TLE4: variants seen among roughly 807,000 people sequenced by gnomAD.
TLE4 encodes the protein transducin-like enhancer protein 4.
Under a neutral mutation model 92.8 loss-of-function variants are expected in TLE4, and 8 were observed. That is an observed-to-expected ratio of 0.09 (90% CI 0.05 to 0.16). TLE4 has a LOEUF of 0.16. TLE4 is among the 10% of genes least tolerant of loss of function. The probability of loss-of-function intolerance (pLI) is 1.00; values close to 1 mark genes in which losing one functional copy is unlikely to be tolerated. For synonymous variants in TLE4, 371 were observed against 374.1 expected, an observed-to-expected ratio of 0.99 and a Z score of 0.10; for missense variants, 675 against 997.6, an observed-to-expected ratio of 0.68 and a Z score of 4.36.
At chr9:79,710,659 T>C (rs1714724609) in intron 14 of TLE4, among the ~76,000 whole-genome samples, 1 of 152,204 alleles carries the variant, frequency 6.6e-6, no homozygotes, top group African/African-American at 2.4e-5. Context: ...AAACTTTCTG[T>C]GGCTTAGTGT....
At chr9:79,701,838 T>C (rs1434829155) in intron 8 of TLE4, among the ~76,000 whole-genome samples, 1 of 152,174 alleles carries the variant, frequency 6.6e-6, no homozygotes, top group Non-Finnish European at 1.5e-5. Context: ...TCCCTTCTGC[T>C]CATGATGCTA....
chr9:79,690,710 C>T (rs1025648674), intron 8 of TLE4, among the ~76,000 whole-genome samples: 2 of 148,606 alleles, frequency 1.3e-5, no homozygotes, highest in Non-Finnish European at 3.0e-5. Context: ...GCCTCCCAGG[C>T]TCGAGATCTT....
intron 8 of TLE4, among the ~76,000 whole-genome samples, chr9:79,675,334 C>T (rs2135041454): frequency 6.6e-6 from 1 of 152,206 alleles, no homozygotes; most frequent in Non-Finnish European, 1.5e-5. Flanking sequence ...ATCTTAGTAC[C>T]TTAGTTGGGT....
intron 6 of TLE4, among the ~76,000 whole-genome samples, chr9:79,636,334 G>A (rs2055827077): frequency 6.6e-6 from 1 of 152,130 alleles, no homozygotes; most frequent in Admixed American, 6.6e-5. Context: ...AGGAAAACCT[G>A]ATGGCTGCCC....
At chr9:79,687,152 A>C (rs548820410) in intron 8 of TLE4, among the ~76,000 whole-genome samples, 4 of 152,304 alleles carry the variant, frequency 2.6e-5, no homozygotes, top group Admixed American at 2.6e-4. Flanking sequence ...TGTAGCCTAC[A>C]TTCTTCTTCT....
At chr9:79,674,663 A>G (rs930387818) in intron 8 of TLE4, among the ~76,000 whole-genome samples, 1 of 152,168 alleles carries the variant, frequency 6.6e-6, no homozygotes. Flanking sequence ...CTTGTCTGTC[A>G]TATGTCCTTA....
intron 11 of TLE4, chr9:79,707,246 AT>A (rs748298356): frequency 6.3e-7 from 1 of 1,580,082 alleles, no homozygotes; most frequent in East Asian, 2.2e-5. Flanking sequence ...CTTGAATGTG[AT>A]TTTGTTGCTA....
intron 4 of TLE4, among the ~76,000 whole-genome samples, chr9:79,591,536 G>T (rs1012536418): frequency 2.0e-5 from 3 of 152,182 alleles, no homozygotes; most frequent in Admixed American, 2.0e-4. Context: ...GACCATATCT[G>T]TTTTGCTAAT....
intron 8 of TLE4, among the ~76,000 whole-genome samples, chr9:79,670,974 A>T (rs953225858): frequency 3.3e-5 from 5 of 152,064 alleles, no homozygotes; most frequent in Non-Finnish European, 5.9e-5. Flanking sequence ...CTTGCATTCC[A>T]CAAACAAACA....
chr9:79,661,709 T>C (rs958832353), intron 8 of TLE4, among the ~76,000 whole-genome samples: 1 of 152,220 alleles, frequency 6.6e-6, no homozygotes, highest in Admixed American at 6.5e-5. Context: ...TACTTAGTTG[T>C]TTTTCTTTGA....
intron 8 of TLE4, among the ~76,000 whole-genome samples, chr9:79,701,367 A>G (rs1449175040): frequency 6.6e-6 from 1 of 152,234 alleles, no homozygotes; most frequent in African/African-American, 2.4e-5. Context: ...AGCTTAAGAA[A>G]AATATAAAGT....
At chr9:79,642,275 G>GAC (rs2057314447) in intron 6 of TLE4, among the ~76,000 whole-genome samples, 1 of 151,938 alleles carries the variant, frequency 6.6e-6, no homozygotes, top group Non-Finnish European at 1.5e-5. Context: ...GATGGTGTCT[G>GAC]ACTGTGTTGC....
intron 8 of TLE4, among the ~76,000 whole-genome samples, chr9:79,682,335 A>T (rs1440287254): frequency 3.3e-5 from 5 of 152,158 alleles, no homozygotes; most frequent in Non-Finnish European, 7.3e-5. Flanking sequence ...CTGTTAGAGT[A>T]TATGCATCAT....
intron 4 of TLE4, among the ~76,000 whole-genome samples, chr9:79,605,917 A>G (rs2046736038): frequency 6.6e-6 from 1 of 152,024 alleles, no homozygotes; most frequent in Non-Finnish European, 1.5e-5. Context: ...CTTTGGTTAA[A>G]CTCCCTGGGG....
intron 4 of TLE4, among the ~76,000 whole-genome samples, chr9:79,606,378 T>G (rs35895055): frequency 1.9e-3 from 282 of 150,140 alleles, no homozygotes; most frequent in Non-Finnish European, 3.5e-3. Context: ...TGTGTGTTTT[T>G]TTTTTTTTTT....
At chr9:79,642,012 A>C (rs2057254969) in intron 6 of TLE4, among the ~76,000 whole-genome samples, 1 of 151,998 alleles carries the variant, frequency 6.6e-6, no homozygotes, top group Non-Finnish European at 1.5e-5. Flanking sequence ...TATGTTGCAC[A>C]TAGTAGTGTT....
At chr9:79,635,851 C>T (rs2055645949) in intron 6 of TLE4, among the ~76,000 whole-genome samples, 1 of 152,134 alleles carries the variant, frequency 6.6e-6, no homozygotes. Flanking sequence ...TACTCCTCAG[C>T]ACTTCAGGTC....
At chr9:79,696,736 A>G (rs2068359917) in intron 8 of TLE4, among the ~76,000 whole-genome samples, 1 of 152,236 alleles carries the variant, frequency 6.6e-6, no homozygotes, top group Admixed American at 6.5e-5. Context: ...GTCCATTAAG[A>G]TACAGCTTGC....
intron 6 of TLE4, among the ~76,000 whole-genome samples, chr9:79,638,193 C>T (rs2056381360): frequency 6.6e-6 from 1 of 152,026 alleles, no homozygotes; most frequent in African/African-American, 2.4e-5. Context: ...CATAAAGGGG[C>T]CCCCACCAGG....
Sources: allele counts gnomAD v4.1 joint callset (sites outside exome capture counted in the v4.1 genomes callset), GRCh38; gene constraint gnomAD v4.1.1; transcripts MANE v1.5; gene names NCBI Gene and HGNC (gene_info 2026-07-23, HGNC 2026-07-21).